ZNF345: variants seen among roughly 807,000 people sequenced by gnomAD.
ZNF345 encodes zinc finger protein HZF10.
For missense variants in ZNF345, 527 were observed against 589.9 expected, an observed-to-expected ratio of 0.89 and a Z score of 1.10; for synonymous variants, 166 against 187.9, an observed-to-expected ratio of 0.88 and a Z score of 0.95.
At chr19:36,869,122 C>T (rs961213889) in intron 2 of ZNF345, among the ~76,000 whole-genome samples, 6 of 151,990 alleles carry the variant, frequency 3.9e-5, no homozygotes, top group African/African-American at 1.5e-4. Flanking sequence ...GCATACAGTC[C>T]CCAGTAAATC....
At chr19:36,875,059 T>A (rs2072854826) in intron 2 of ZNF345, among the ~76,000 whole-genome samples, 1 of 152,198 alleles carries the variant, frequency 6.6e-6, no homozygotes, top group African/African-American at 2.4e-5. Flanking sequence ...TTTAGGTTTT[T>A]TTTGCATGTA....
chr19:36,885,928 T>A (rs34217742), intron 3 of ZNF345, among the ~76,000 whole-genome samples: 13,036 of 152,184 alleles, frequency 0.086, 752 homozygotes, highest in Non-Finnish European at 0.13. Flanking sequence ...CCTTTCCTGA[T>A]ACCATCCTGA....
intron 2 of ZNF345, among the ~76,000 whole-genome samples, chr19:36,852,155 A>G (rs1446384932): frequency 1.6e-5 from 2 of 126,316 alleles, no homozygotes; most frequent in Non-Finnish European, 3.2e-5. Context: ...TTTGAGACAG[A>G]ATTACAGGCG....
chr19:36,865,111 C>T lies in ZNF345; in HGVS notation c.-46-11674C>T, dbSNP rs190900463. On this transcript the variant is annotated intron_variant, in intron 2 of 2. Transcript: ENST00000420450. ...ACCCATGCTGCAGGAACTGGGTGCT[C>T]GGGAAACTGAATGTGCTGCAGGAGG... 2.6e-5 allele frequency among the ~76,000 whole-genome samples: 4 copies of T among 152,098 alleles called. No individual in the cohort carries two copies. In the South Asian group the frequency reaches 8.3e-4, roughly 32 times the overall value.
intron 2 of ZNF345, among the ~76,000 whole-genome samples, chr19:36,855,921 C>T (rs943871177): frequency 2.2e-4 from 34 of 152,188 alleles, no homozygotes; most frequent in African/African-American, 8.0e-4. Context: ...CCACACTAGC[C>T]TTATCTCTCT....
At chr19:36,857,189 A>G (rs1039791931) in intron 2 of ZNF345, among the ~76,000 whole-genome samples, 10 of 152,140 alleles carry the variant, frequency 6.6e-5, no homozygotes, top group Admixed American at 3.3e-4. Context: ...CTTACAAATT[A>G]TTGGCTTTAT....
At chr19:36,865,912 A>C (rs1451607240) in intron 2 of ZNF345, among the ~76,000 whole-genome samples, 1 of 152,108 alleles carries the variant, frequency 6.6e-6, no homozygotes, top group African/African-American at 2.4e-5. Context: ...AAATTCTCTG[A>C]TTGTTGTAGA....
At position 36,879,030 on chromosome 19, in the gene ZNF345, G is replaced by A. The variant is rs2072946811; in HGVS notation, c.*733G>A. 3 of 163,412 alleles carry A rather than the reference G, an allele frequency of 1.8e-5. No individual in the cohort carries two copies. The highest frequency in any genetic ancestry group is 7.2e-5 in the African/African-American group (3 of 41,404). 10.1% of individuals were successfully genotyped at this position (163,412 alleles called of 1,614,324 possible). A position where few individuals can be genotyped will look rare whatever the true frequency, so the allele number is the denominator to read the frequency against. Reference sequence around the variant, plus strand: ...TTTTTGTATTTTCATTAGAGATGGGGTTTCACCACGTTGGCCAGGATGGTC... The same window carrying A: ...TTTTTGTATTTTCATTAGAGATGGGATTTCACCACGTTGGCCAGGATGGTC... On this transcript the variant is annotated 3_prime_UTR_variant, in exon 3 of 3. Coordinates refer to ENST00000420450, the MANE Select transcript of ZNF345 (RefSeq NM_001242472.2).
At chr19:36,879,810 C>T (rs1367119967), downstream of ZNF345, among the ~76,000 whole-genome samples, 1 of 152,116 alleles carries the variant, frequency 6.6e-6, no homozygotes, top group African/African-American at 2.4e-5. Flanking sequence ...AGAATCAATA[C>T]CTCAGAGCCT....
At chr19:36,857,418 T>A (rs2072443738) in intron 2 of ZNF345, among the ~76,000 whole-genome samples, 1 of 152,050 alleles carries the variant, frequency 6.6e-6, no homozygotes, top group South Asian at 2.1e-4. Context: ...GCCATTCTCC[T>A]GCCTCAGCCT....
rs182745634 is a variant in ZNF345, at chr19:36,874,397, G to A, written c.-46-2388G>A. ...CAATCCCAGCTGTTTGGGAGGCTGA[G>A]GCAGGAGGACCACTTGAACCTGGGA... On this transcript the variant is annotated intron_variant, in intron 2 of 2. Transcript: ENST00000420450. 3.7e-3 allele frequency among the ~76,000 whole-genome samples: 569 copies of A among 152,108 alleles called. 4 individuals are homozygous for A. Among genetic ancestry groups the A allele is most frequent in the African/African-American group, 0.013 (548 of 41,492 alleles).
intron 2 of ZNF345, among the ~76,000 whole-genome samples, chr19:36,863,311 A>G (rs1462951105): frequency 2.0e-5 from 3 of 152,182 alleles, no homozygotes; most frequent in East Asian, 3.9e-4. Context: ...TTAACAGACA[A>G]CATTTCTGGT....
Position 36,878,215 on chromosome 19 carries a change from C to T in ZNF345, c.1385C>T (p.Ala462Val), listed in dbSNP as rs201111923. Reference sequence around the variant, plus strand: ...TATGAATGTAAGAACTGTGGGAAGGCTTATGGGAGGGATTCAGAGTTTCAG... The same window carrying T: ...TATGAATGTAAGAACTGTGGGAAGGTTTATGGGAGGGATTCAGAGTTTCAG... ...KLYECKNCGKAYGRDSEFQQH... is the reference protein window; with the variant it reads ...KLYECKNCGKVYGRDSEFQQH... The change falls in exon 3 of 3, where the codon GCT becomes GTT. Residue 462 changes from alanine to valine, a missense_variant. Ala to Val is a moderately conservative substitution (Grantham distance 64). Transcript: ENST00000420450. The T allele has an allele frequency of 2.5e-6, 4 of 1,613,024 alleles. No homozygotes were observed. The highest frequency in any genetic ancestry group is 2.2e-5 in the East Asian group (1 of 44,860).
chr19:36,868,765 A>T lies in ZNF345; in HGVS notation c.-46-8020A>T, dbSNP rs62115570. 2.3e-3 allele frequency among the ~76,000 whole-genome samples: 344 copies of T among 151,538 alleles called. 3 individuals are homozygous for T. The highest frequency in any genetic ancestry group is 5.2e-3 in the Admixed American group (79 of 15,172). On this transcript the variant is annotated intron_variant, in intron 2 of 2. Coordinates refer to ENST00000420450, the MANE Select transcript of ZNF345 (RefSeq NM_001242472.2). ...CTCAGGCTCCCGAGTAGCTGGGATT[A>T]CAGGTGCGTGCCACCACGCCCAGCT...
At chr19:36,868,422 A>G (rs1267645677) in intron 2 of ZNF345, among the ~76,000 whole-genome samples, 2 of 152,056 alleles carry the variant, frequency 1.3e-5, no homozygotes, top group Admixed American at 6.5e-5. Context: ...TATTAGTCAT[A>G]GATGTTTGGG....
In ZNF345 at chr19:36,878,623, CTT is replaced by C. The variant is rs10709788; in HGVS notation, c.*335_*336del. 2.7e-5 allele frequency: 5 copies of C among 185,548 alleles called. No individual in the cohort carries two copies. The highest frequency in any genetic ancestry group is 6.2e-5 in the Admixed American group (1 of 16,198). 11.5% of individuals were successfully genotyped at this position (185,548 alleles called of 1,614,324 possible). On this transcript the variant is annotated 3_prime_UTR_variant, in exon 3 of 3. Transcript: ENST00000420450. Reference sequence around the variant, plus strand: ...AATCCTACTATATTTTTTCAATGGTCTTTTTTTTTTGTATTATACAGAATTAC... The same window carrying C: ...AATCCTACTATATTTTTTCAATGGTCTTTTTTTTGTATTATACAGAATTAC...
chr19:36,865,951 T>G (rs1259408483), intron 2 of ZNF345, among the ~76,000 whole-genome samples: 6 of 152,220 alleles, frequency 3.9e-5, no homozygotes, highest in Admixed American at 6.5e-5. Context: ...TCTATTCTGT[T>G]AATATAATTA....
At chr19:36,890,079 T>A (rs1335425953) in intron 3 of ZNF345, 2 of 152,316 alleles carry the variant, frequency 1.3e-5, no homozygotes, top group Non-Finnish European at 2.9e-5. Flanking sequence ...TTTTGAGAGT[T>A]CCTCTTGGTA....
In ZNF345 at chr19:36,879,419, T is replaced by C. The variant is rs952883994; in HGVS notation, c.*1122T>C. 1 of 167,098 alleles carries C rather than the reference T, an allele frequency of 6.0e-6. No homozygotes were observed. Among genetic ancestry groups the C allele is most frequent in the African/African-American group, 2.4e-5 (1 of 41,466 alleles). 10.4% of individuals were successfully genotyped at this position (167,098 alleles called of 1,614,324 possible). On this transcript the variant is annotated 3_prime_UTR_variant, in exon 3 of 3. Transcript: ENST00000420450. ...CCTTTAATACTATCTCTCATTGTTT[T>C]GGAAACAAGGTGTGATTATGCTATA...
Sources: gnomAD v4.1 joint callset for allele counts (sites outside exome capture counted in the v4.1 genomes callset) on GRCh38, gnomAD v4.1.1 for gene constraint, MANE v1.5 for transcripts, NCBI Gene and HGNC (gene_info 2026-07-23, HGNC 2026-07-21) for gene names.